The following GATAD1 variants were observed in gnomAD, a reference collection of about 807,000 sequenced individuals.
The protein encoded by GATAD1 is GATA zinc finger domain-containing protein 1.
A neutral mutation model predicts 26.5 loss-of-function variants in GATAD1; 12 were observed. That is an observed-to-expected ratio of 0.45 (90% CI 0.29 to 0.73). The LOEUF is 0.73. Among genes scored for constraint, GATAD1 ranks in the 30% least tolerant of loss-of-function variants. The pLI is 0.10. For missense variants in GATAD1, 266 were observed against 342.1 expected (o/e 0.78, Z 1.75); for synonymous variants, 129 against 133.1 (o/e 0.97, Z 0.21).
chr7:92,463,253 A>T (rs1409951950), downstream of GATAD1, among the ~76,000 whole-genome samples: 1 of 152,204 alleles, frequency 6.6e-6, no homozygotes, highest in Non-Finnish European at 1.5e-5. Context: ...TATTGTGGGT[A>T]CAAATTTTCG....
the GATAD1 span, chr7:92,489,592 A>G: frequency 9.8e-7 from 1 of 1,025,618 alleles, no homozygotes; most frequent in Non-Finnish European, 1.5e-6. Flanking sequence ...TGACTGAGTT[A>G]ATGTGTTCTG....
In GATAD1 at chr7:92,456,525, C is replaced by T; in HGVS notation, c.773C>T (p.Ala258Val). Residue 258 changes from alanine to valine, a missense_variant, in exon 5 of 5, where the codon GCA (alanine) becomes GTA (valine). Transcript: ENST00000287957. ...TGGACTCATGTTGGGCCTACTCCTG[C>T]AATAACAATTAAGGAATCAGTTGCC... is the stretch of plus-strand genomic sequence containing the variant. ...YIWTHVGPTP[A>V]ITIKESVANH... 3 of 1,612,390 alleles carry T rather than the reference C, an allele frequency of 1.9e-6. No homozygotes were observed. The highest frequency in any genetic ancestry group is 2.2e-5 in the East Asian group (1 of 44,842).
the GATAD1 span, among the ~76,000 whole-genome samples, chr7:92,481,240 AC>A: frequency 6.6e-6 from 1 of 152,212 alleles, no homozygotes; most frequent in African/African-American, 2.4e-5. Flanking sequence ...TCAGAGACAT[AC>A]AATCATCAGG....
At chr7:92,473,479 A>G in the GATAD1 span, among the ~76,000 whole-genome samples, 1 of 151,900 alleles carries the variant, frequency 6.6e-6, no homozygotes, top group Non-Finnish European at 1.5e-5. Context: ...GCTCGTCCAT[A>G]TTGTCCTTCT....
chr7:92,491,229 G>T, the GATAD1 span: 1 of 1,304,212 alleles, frequency 7.7e-7, no homozygotes, highest in Non-Finnish European at 1.1e-6. Context: ...CCAACATATA[G>T]CTTTATATTT....
At chr7:92,483,559 C>A in the GATAD1 span, among the ~76,000 whole-genome samples, 2 of 152,192 alleles carry the variant, frequency 1.3e-5, no homozygotes, top group Admixed American at 6.5e-5. Flanking sequence ...CCTTCAGGGT[C>A]TAGGGCTGTA....
chr7:92,489,563 G>T, the GATAD1 span: 1 of 1,026,514 alleles, frequency 9.7e-7, no homozygotes, highest in Non-Finnish European at 1.5e-6. Context: ...AACATTGAAA[G>T]CAAGGAAGCA....
the GATAD1 span, chr7:92,494,404 A>G: frequency 8.1e-6 from 13 of 1,613,378 alleles, no homozygotes; most frequent in Non-Finnish European, 1.0e-5. Context: ...CACCTAGAGG[A>G]AAAAAGAACA....
At chr7:92,485,962 C>CAGTT in the GATAD1 span, among the ~76,000 whole-genome samples, 2 of 152,190 alleles carry the variant, frequency 1.3e-5, no homozygotes, top group African/African-American at 4.8e-5. Context: ...TGTGAATGCT[C>CAGTT]AGTTAAAAGC....
At chr7:92,493,048 C>T in the GATAD1 span, 1 of 1,612,288 alleles carries the variant, frequency 6.2e-7, no homozygotes, top group Non-Finnish European at 8.5e-7. Flanking sequence ...GAGTCAGTTA[C>T]TGATGCTACA....
downstream of GATAD1, among the ~76,000 whole-genome samples, chr7:92,464,730 A>G (rs1176538687): frequency 1.3e-5 from 2 of 152,218 alleles, no homozygotes; most frequent in Non-Finnish European, 2.9e-5. Flanking sequence ...ATAAAAGGAC[A>G]ACCAGAAGAG....
chr7:92,482,167 G>A, the GATAD1 span, among the ~76,000 whole-genome samples: 9 of 152,352 alleles, frequency 5.9e-5, no homozygotes, highest in East Asian at 1.5e-3. Context: ...CGGCAGTACA[G>A]CCCAGGTAAG....
At chr7:92,449,602 A>G (rs1489485941) in intron 2 of GATAD1, 1 of 981,006 alleles carries the variant, frequency 1.0e-6, no homozygotes, top group African/African-American at 1.8e-5. Flanking sequence ...GACGTTTCTG[A>G]AGTTGGCCAT....
Position 92,447,667 on chromosome 7 carries a change from G to A in GATAD1, c.-63G>A. ...GGAGTGGCGGGCCGACCAGGGGGCG[G>A]CCGGGCTACCGTCCGCCATTCCCGT... On this transcript the variant is annotated 5_prime_UTR_variant, in exon 1 of 5. Coordinates refer to ENST00000287957, the MANE Select transcript of GATAD1 (RefSeq NM_021167.5). The A allele has an allele frequency of 1.5e-6, 2 of 1,348,136 alleles. No individual in the cohort carries two copies. The highest frequency in any genetic ancestry group is 1.9e-6 in the Non-Finnish European group (2 of 1,048,300). 83.5% of individuals were successfully genotyped at this position (1,348,136 alleles called of 1,614,324 possible). A position where few individuals can be genotyped will look rare whatever the true frequency, so the allele number is the denominator to read the frequency against.
At chr7:92,470,567 G>A in the GATAD1 span, 2 of 528,646 alleles carry the variant, frequency 3.8e-6, no homozygotes, top group East Asian at 6.2e-5. Context: ...ACCGCAGTTG[G>A]GGTAGATAAA....
the GATAD1 span, among the ~76,000 whole-genome samples, chr7:92,483,438 T>C: frequency 4.6e-5 from 7 of 152,240 alleles, no homozygotes; most frequent in African/African-American, 1.7e-4. Flanking sequence ...TGAGGTTAAT[T>C]AAGTCCTGTT....
chr7:92,450,159 ATG>A (rs1343137301), intron 2 of GATAD1: 4 of 152,580 alleles, frequency 2.6e-5, no homozygotes, highest in African/African-American at 9.6e-5. Context: ...GCATAAAAGT[ATG>A]TATTGAAGCT....
chr7:92,483,637 C>T, the GATAD1 span, among the ~76,000 whole-genome samples: 9 of 152,272 alleles, frequency 5.9e-5, no homozygotes, highest in African/African-American at 1.7e-4. Context: ...TGAAAAAGAG[C>T]GTAAACGCTA....
At chr7:92,476,640 T>C in the GATAD1 span, among the ~76,000 whole-genome samples, 1 of 152,096 alleles carries the variant, frequency 6.6e-6, no homozygotes, top group Non-Finnish European at 1.5e-5. Flanking sequence ...TCTGTCTCTC[T>C]CACTGTCTCT....
Sources: allele counts gnomAD v4.1 joint callset (sites outside exome capture counted in the v4.1 genomes callset), GRCh38; gene constraint gnomAD v4.1.1; transcripts MANE v1.5; gene names NCBI Gene and HGNC (gene_info 2026-07-23, HGNC 2026-07-21).